Variants in KLHL3 observed in about 807,000 individuals in gnomAD.
KLHL3 encodes kelch-like protein 3.
KLHL3 carries 19 observed loss-of-function variants against 70.5 expected under a neutral mutation model. The ratio of observed to expected loss-of-function variants is 0.27; its 90% CI spans 0.19 to 0.40. The LOEUF (loss-of-function observed/expected upper bound fraction) is 0.40. Among genes scored for constraint, KLHL3 ranks in the 10% least tolerant of loss-of-function variants. The probability of loss-of-function intolerance (pLI) is 1.00; values close to 1 mark genes in which losing one functional copy is unlikely to be tolerated. For synonymous variants in KLHL3, 258 were observed against 290.3 expected (o/e 0.89, Z 1.13); for missense variants, 512 against 771.1 (o/e 0.66, Z 3.98).
At chr5:137,629,610 T>A (rs1320820908) in intron 12 of KLHL3, 1 of 152,240 alleles carries the variant, frequency 6.6e-6, no homozygotes, top group African/African-American at 2.4e-5. Flanking sequence ...TCTGCTTCCC[T>A]GTGCTCCACA....
intron 3 of KLHL3, among the ~76,000 whole-genome samples, chr5:137,704,558 T>C (rs1230782083): frequency 6.6e-6 from 1 of 152,216 alleles, no homozygotes; most frequent in Non-Finnish European, 1.5e-5. Flanking sequence ...ATTCATAAAA[T>C]ATTCCTTACC....
chr5:137,700,516 G>T (rs891621788), intron 3 of KLHL3, among the ~76,000 whole-genome samples: 1 of 152,176 alleles, frequency 6.6e-6, no homozygotes, highest in Admixed American at 6.5e-5. Flanking sequence ...AAATGGAAAC[G>T]CCTGGAATTG....
At chr5:137,720,870 G>A (rs1469729453) in intron 1 of KLHL3, 1 of 1,218,884 alleles carries the variant, frequency 8.2e-7, no homozygotes, top group African/African-American at 1.6e-5. Context: ...AAAACTGAAG[G>A]GGACTAAGCA....
intron 2 of KLHL3, among the ~76,000 whole-genome samples, chr5:137,712,156 CAAAAAAAAA>C (rs201519598): frequency 1.6e-3 from 120 of 74,870 alleles, no homozygotes; most frequent in African/African-American, 5.3e-3. Flanking sequence ...AAGATTCTGT[CAAAAAAAAA>C]AAAAAAAAAA....
At chr5:137,701,041 T>C (rs997501089) in intron 3 of KLHL3, among the ~76,000 whole-genome samples, 2 of 152,132 alleles carry the variant, frequency 1.3e-5, no homozygotes, top group African/African-American at 4.8e-5. Flanking sequence ...GCATTTCTTT[T>C]TTTTTTTCGA....
At position 137,637,342 on chromosome 5, in the gene KLHL3, C is replaced by A. The variant is rs1462184391; in HGVS notation, c.1273G>T (p.Ala425Ser). Residue 425 changes from alanine (A) to serine (S), a missense_variant, in exon 11 of 15, where the codon GCC becomes TCC. By Grantham distance (99) the Ala-to-Ser change is moderately conservative (BLOSUM62 1). Transcript: ENST00000309755. ...SYKTNEWFFV[A>S]PMNTRRSSVG... ...CTGCTCCGCCGCGTGTTCATCGGGG[C>A]CACAAAGAACCACTCGTTGGTCTTG... 3 of 1,614,010 alleles carry A rather than the reference C, an allele frequency of 1.9e-6. No homozygotes were observed. The highest frequency in any genetic ancestry group is 2.5e-6 in the Non-Finnish European group (3 of 1,179,978).
intron 2 of KLHL3, among the ~76,000 whole-genome samples, chr5:137,712,560 T>C (rs976752437): frequency 3.3e-5 from 5 of 152,180 alleles, no homozygotes; most frequent in African/African-American, 1.2e-4. Context: ...CCATGCTACA[T>C]GGAAGAGGGA....
chr5:137,735,195 C>A (rs1278976124), intron 1 of KLHL3, among the ~76,000 whole-genome samples: 1 of 152,134 alleles, frequency 6.6e-6, no homozygotes, highest in Non-Finnish European at 1.5e-5. Context: ...AGCACTCCTG[C>A]GTGAAAATGC....
At chr5:137,704,486 C>T (rs142903847) in intron 3 of KLHL3, among the ~76,000 whole-genome samples, 146 of 152,360 alleles carry the variant, frequency 9.6e-4, no homozygotes, top group Non-Finnish European at 1.6e-3. Context: ...CATTACCACA[C>T]TTGTGTTTAA....
chr5:137,637,656 G>A (rs1750802865), intron 10 of KLHL3, among the ~76,000 whole-genome samples: 6 of 152,214 alleles, frequency 3.9e-5, no homozygotes, highest in Admixed American at 2.0e-4. Flanking sequence ...CATGGCAAAT[G>A]TAGATCATAA....
At chr5:137,728,992 A>G (rs75798727) in intron 1 of KLHL3, among the ~76,000 whole-genome samples, 1,529 of 152,152 alleles carry the variant, frequency 0.01, 27 homozygotes, top group African/African-American at 0.035. Flanking sequence ...AAAAAAAAAA[A>G]AAGAAAAGAA....
intron 6 of KLHL3, among the ~76,000 whole-genome samples, chr5:137,663,367 G>C (rs889844358): frequency 1.3e-5 from 2 of 151,744 alleles, no homozygotes; most frequent in African/African-American, 2.4e-5. Context: ...CCAGGGCACT[G>C]GTTCTATGAC....
chr5:137,646,253 A>G (rs1003696121), intron 8 of KLHL3, among the ~76,000 whole-genome samples: 1 of 152,188 alleles, frequency 6.6e-6, no homozygotes, highest in Non-Finnish European at 1.5e-5. Flanking sequence ...CCTCACCCCA[A>G]TTAGAAGGTC....
At chr5:137,703,299 G>A (rs749181019) in intron 3 of KLHL3, among the ~76,000 whole-genome samples, 8 of 152,146 alleles carry the variant, frequency 5.3e-5, no homozygotes, top group South Asian at 2.1e-4. Flanking sequence ...TACCCTTTGC[G>A]CAATGATTCT....
intron 13 of KLHL3, 178 bp downstream of exon 13, chr5:137,628,119 T>C (rs1750526904): frequency 1.5e-6 from 1 of 682,600 alleles, no homozygotes; most frequent in Non-Finnish European, 2.4e-6. Flanking sequence ...AGCTAGCTTT[T>C]GGGGTCTCAA....
chr5:137,660,549 A>C (rs1035958092), intron 7 of KLHL3, among the ~76,000 whole-genome samples: 1 of 152,184 alleles, frequency 6.6e-6, no homozygotes, highest in African/African-American at 2.4e-5. Context: ...AGTAGCATGC[A>C]TGCCCCATTT....
In KLHL3 at chr5:137,692,611, C is replaced by G. The variant is rs1402294931; in HGVS notation, c.364-164G>C. The G allele has an allele frequency of 1.1e-5, 7 of 639,498 alleles. No individual in the cohort carries two copies. In the Admixed American group the frequency reaches 1.8e-4, roughly 17 times the overall value. 39.6% of individuals were successfully genotyped at this position (639,498 alleles called of 1,614,324 possible). On this transcript the variant is annotated intron_variant, in intron 4 of 14. Transcript: ENST00000309755. Reference sequence around the variant, plus strand: ...TGCTTTCCAGCCTTATTTCCCACTACTCTGCCCTTCACGGACCCTAAACAC... The same window carrying G: ...TGCTTTCCAGCCTTATTTCCCACTAGTCTGCCCTTCACGGACCCTAAACAC...
chr5:137,642,886 A>G (rs1408005988), intron 8 of KLHL3, among the ~76,000 whole-genome samples: 1 of 151,960 alleles, frequency 6.6e-6, no homozygotes, highest in East Asian at 1.9e-4. Context: ...AAAAAGGCAA[A>G]GTTTTCAGGA....
At chr5:137,683,418 G>A (rs1215685546) in intron 5 of KLHL3, among the ~76,000 whole-genome samples, 1 of 152,028 alleles carries the variant, frequency 6.6e-6, no homozygotes, top group African/African-American at 2.4e-5. Context: ...ATTTTGGCAG[G>A]GTGAAAAAAC....
Sources: allele counts gnomAD v4.1 joint callset (sites outside exome capture counted in the v4.1 genomes callset), GRCh38; gene constraint gnomAD v4.1.1; transcripts MANE v1.5; gene names NCBI Gene and HGNC (gene_info 2026-07-23, HGNC 2026-07-21).